ATP10A: variants seen among roughly 807,000 people sequenced by gnomAD.
The protein encoded by ATP10A is phospholipid-transporting ATPase VA.
In ATP10A, 111 loss-of-function variants were observed where a neutral mutation model predicts 147.8. That is an observed-to-expected ratio of 0.75 (90% confidence interval 0.64 to 0.88). The LOEUF (loss-of-function observed/expected upper bound fraction) is 0.88. Ranked by LOEUF, ATP10A falls within the 40% of genes least tolerant of loss-of-function variation. ATP10A has a pLI of 0.00. For synonymous variants in ATP10A, 875 were observed against 841.6 expected, an observed-to-expected ratio of 1.04 and a Z score of -0.69; for missense variants, 1,927 against 1,959.0, an observed-to-expected ratio of 0.98 and a Z score of 0.31.
intron 1 of ATP10A, among the ~76,000 whole-genome samples, chr15:25,804,344 ATGATGTGACGCTGTGTTTG>A (rs1891081694): frequency 6.8e-6 from 1 of 146,886 alleles, no homozygotes; most frequent in Admixed American, 6.8e-5. Flanking sequence ...TGAGGTGTTT[ATGATGTGACGCTGTGTTTG>A]TGAGTACATA....
intron 1 of ATP10A, 196 bp downstream of exon 1, chr15:25,862,452 G>A: frequency 1.4e-6 from 1 of 699,022 alleles, no homozygotes; most frequent in Admixed American, 2.4e-5. Flanking sequence ...CCCTTTAGCT[G>A]CGGCGGAGGC....
chr15:25,759,753 G>A (rs1162966498), intron 2 of ATP10A, among the ~76,000 whole-genome samples: 2 of 150,406 alleles, frequency 1.3e-5, no homozygotes, highest in Admixed American at 6.6e-5. Context: ...AGGTGGCAGT[G>A]AGCTGAGATC....
At chr15:25,819,583 A>C (rs909177319) in intron 1 of ATP10A, among the ~76,000 whole-genome samples, 1 of 126,696 alleles carries the variant, frequency 7.9e-6, no homozygotes, top group Non-Finnish European at 1.6e-5. Flanking sequence ...TATGTACCCA[A>C]ATGAAAAAAA....
At chr15:25,703,469 A>G (rs1207836384) in intron 12 of ATP10A, among the ~76,000 whole-genome samples, 1 of 152,232 alleles carries the variant, frequency 6.6e-6, no homozygotes, top group East Asian at 1.9e-4. Flanking sequence ...CACACCAGAC[A>G]TTGTGAGCTG....
downstream of ATP10A, among the ~76,000 whole-genome samples, chr15:25,675,430 C>T (rs547769024): frequency 9.9e-5 from 15 of 152,268 alleles, no homozygotes; most frequent in Admixed American, 3.3e-4. Flanking sequence ...ACCAGGTTGA[C>T]GTTGTGTGAG....
intron 1 of ATP10A, among the ~76,000 whole-genome samples, chr15:25,785,859 G>A (rs1440297573): frequency 6.6e-6 from 1 of 152,214 alleles, no homozygotes; most frequent in African/African-American, 2.4e-5. Context: ...CACCCACCTC[G>A]CCCAGGGGCA....
downstream of ATP10A, among the ~76,000 whole-genome samples, chr15:25,674,802 G>A (rs190633167): frequency 6.6e-6 from 1 of 152,340 alleles, no homozygotes; most frequent in African/African-American, 2.4e-5. Flanking sequence ...ATCTGCCTGT[G>A]GCATTAGAGA....
chr15:25,820,310 T>C (rs1027199243), intron 1 of ATP10A, among the ~76,000 whole-genome samples: 2 of 152,126 alleles, frequency 1.3e-5, no homozygotes, highest in South Asian at 2.1e-4. Context: ...GTTAAAGAAG[T>C]AAATTTCAAA....
At chr15:25,675,969 A>T (rs1037099066), downstream of ATP10A, among the ~76,000 whole-genome samples, 2 of 151,744 alleles carry the variant, frequency 1.3e-5, no homozygotes, top group African/African-American at 4.8e-5. Flanking sequence ...AGGGGAGGGG[A>T]AAGGGGAGGG....
chr15:25,694,729 G>T (rs936979081), intron 14 of ATP10A, 90 bp downstream of exon 14: 8 of 1,143,070 alleles, frequency 7.0e-6, no homozygotes, highest in Non-Finnish European at 9.8e-6. Context: ...AGGTGAGGAA[G>T]TGTTTTCCCA....
Position 25,802,235 on chromosome 15 carries a change from C to T in ATP10A, c.450-21012G>A, listed in dbSNP as rs555020153. 8.5e-5 allele frequency among the ~76,000 whole-genome samples: 13 copies of T among 152,306 alleles called. No individual in the cohort carries two copies. In the South Asian group the frequency reaches 2.7e-3, roughly 32 times the overall value. On this transcript the variant is annotated intron_variant, in intron 1 of 20. Coordinates refer to ENST00000555815, the MANE Select transcript of ATP10A (RefSeq NM_024490.4). ...CGTGTGCCTGCGCCGCAGCACAGACCGAGCTGTTCTCAACGTCGGAATCTC... is the reference window on the plus strand; with the variant it reads ...CGTGTGCCTGCGCCGCAGCACAGACTGAGCTGTTCTCAACGTCGGAATCTC...
chr15:25,761,630 A>G (rs1888761245), intron 2 of ATP10A, among the ~76,000 whole-genome samples: 2 of 152,228 alleles, frequency 1.3e-5, no homozygotes. Context: ...GTCAAAGGAG[A>G]TCATTTTGGA....
At chr15:25,804,493 CTG>C (rs375993151) in intron 1 of ATP10A, among the ~76,000 whole-genome samples, 2,166 of 151,038 alleles carry the variant, frequency 0.014, 62 homozygotes, top group African/African-American at 0.05. Flanking sequence ...TGGTGTGTGT[CTG>C]TGTGTGTGTG....
At chr15:25,859,301 C>A (rs1178268497) in intron 1 of ATP10A, among the ~76,000 whole-genome samples, 1 of 152,190 alleles carries the variant, frequency 6.6e-6, no homozygotes, top group African/African-American at 2.4e-5. Context: ...AGACCGATGT[C>A]AGCTAAAGGG....
At chr15:25,731,866 T>G (rs1028489255) in intron 3 of ATP10A, among the ~76,000 whole-genome samples, 2 of 152,216 alleles carry the variant, frequency 1.3e-5, no homozygotes. Flanking sequence ...CTGTATTTTG[T>G]TTTGTTTCAG....
At chr15:25,788,932 A>G (rs1398621509) in intron 1 of ATP10A, among the ~76,000 whole-genome samples, 1 of 152,202 alleles carries the variant, frequency 6.6e-6, no homozygotes, top group African/African-American at 2.4e-5. Context: ...TGTGCCTTAT[A>G]GATGAAACAG....
At chr15:25,723,302 C>T (rs554804727) in intron 6 of ATP10A, among the ~76,000 whole-genome samples, 30 of 150,844 alleles carry the variant, frequency 2.0e-4, no homozygotes, top group African/African-American at 6.6e-4. Context: ...GAGCCAAGAT[C>T]GTGTCACTGC....
chr15:25,773,204 T>C (rs1889425737), intron 2 of ATP10A, among the ~76,000 whole-genome samples: 1 of 152,180 alleles, frequency 6.6e-6, no homozygotes, highest in African/African-American at 2.4e-5. Context: ...GGCGAAACTC[T>C]AAGGAAGCCC....
chr15:25,787,468 G>A (rs1258929247), intron 1 of ATP10A, among the ~76,000 whole-genome samples: 1 of 151,930 alleles, frequency 6.6e-6, no homozygotes, highest in Non-Finnish European at 1.5e-5. Context: ...ACAAGAATGA[G>A]CCAGGTGTGC....
Sources: gnomAD v4.1 joint callset for allele counts (sites outside exome capture counted in the v4.1 genomes callset) on GRCh38, gnomAD v4.1.1 for gene constraint, MANE v1.5 for transcripts, NCBI Gene and HGNC (gene_info 2026-07-23, HGNC 2026-07-21) for gene names.